The following AKAP6 variants were observed in gnomAD, a reference collection of about 807,000 sequenced individuals.
AKAP6 encodes A-kinase anchor protein 6.
AKAP6 carries 58 observed loss-of-function variants against 188.5 expected under a neutral mutation model. The observed-to-expected ratio is 0.31, with a 90% CI of 0.25 to 0.38. The LOEUF is 0.38. Among genes scored for constraint, AKAP6 ranks in the 10% least tolerant of loss-of-function variants. The probability of loss-of-function intolerance (pLI) is 1.00; values close to 1 mark genes in which losing one functional copy is unlikely to be tolerated. For missense variants in AKAP6, 2,710 were observed against 2,740.0 expected (o/e 0.99, Z 0.24); for synonymous variants, 989 against 998.6 (o/e 0.99, Z 0.18).
intron 12 of AKAP6, among the ~76,000 whole-genome samples, chr14:32,814,200 C>A (rs753543824): frequency 2.6e-5 from 4 of 152,196 alleles, no homozygotes; most frequent in Admixed American, 6.5e-5. Context: ...AGATGATTTT[C>A]TCTTCGTTTA....
At chr14:32,516,616 A>T (rs1347689120) in intron 2 of AKAP6, among the ~76,000 whole-genome samples, 1 of 152,244 alleles carries the variant, frequency 6.6e-6, no homozygotes, top group African/African-American at 2.4e-5. Flanking sequence ...ACGAAAAGTA[A>T]GTATGAGATC....
At chr14:32,510,336 A>G (rs1037821105) in intron 2 of AKAP6, among the ~76,000 whole-genome samples, 5 of 148,110 alleles carry the variant, frequency 3.4e-5, no homozygotes, top group Admixed American at 6.9e-5. Context: ...AATAAATTAT[A>G]TAAGTAAACA....
chr14:32,556,538 T>A (rs1183015929), intron 4 of AKAP6, among the ~76,000 whole-genome samples: 1 of 152,056 alleles, frequency 6.6e-6, no homozygotes, highest in Non-Finnish European at 1.5e-5. Flanking sequence ...AGGCAGGGTT[T>A]TACTCTGTTG....
chr14:32,538,325 C>A (rs1882776300), intron 3 of AKAP6, among the ~76,000 whole-genome samples: 1 of 151,102 alleles, frequency 6.6e-6, no homozygotes, highest in African/African-American at 2.4e-5. Context: ...AGGGAAATGG[C>A]AAAATAAAAA....
intron 2 of AKAP6, among the ~76,000 whole-genome samples, chr14:32,521,138 C>A (rs537288807): frequency 6.6e-6 from 1 of 152,004 alleles, no homozygotes; most frequent in Non-Finnish European, 1.5e-5. Flanking sequence ...ATTCAACAGC[C>A]CTTCATGCTA....
intron 13 of AKAP6, among the ~76,000 whole-genome samples, chr14:32,827,328 T>C (rs1212968132): frequency 2.0e-5 from 3 of 151,462 alleles, no homozygotes; most frequent in Non-Finnish European, 4.4e-5. Context: ...GACAGTAAAA[T>C]TCACCAAATT....
At position 32,824,228 on chromosome 14, in the gene AKAP6, C is replaced by G; in HGVS notation, c.6415C>G (p.Leu2139Val). 6.2e-7 allele frequency: 1 copy of G among 1,613,974 alleles called. No homozygotes were observed. Among genetic ancestry groups the G allele is most frequent in the East Asian group, 2.2e-5 (1 of 44,878 alleles). ...IEEKSSTPLPLDTTDSGLDDK... is the reference protein window; with the variant it reads ...IEEKSSTPLPVDTTDSGLDDK... ...AGAGAAAAGCAGCACTCCATTGCCA[C>G]TAGACACCACTGACTCGGGCTTAGA... The change falls in exon 13 of 14, where the codon CTA (leucine) becomes GTA (valine). Residue 2139 changes from leucine (L) to valine (V), a missense_variant. By Grantham distance (32) the Leu-to-Val change is conservative. This residue lies in a region of AKAP6 where 2,473 missense variants were observed against 2,426.1 expected (regional missense o/e 1.02). Coordinates refer to ENST00000280979, the MANE Select transcript of AKAP6 (RefSeq NM_004274.5).
intron 4 of AKAP6, among the ~76,000 whole-genome samples, chr14:32,547,614 A>G (rs1883258356): frequency 6.6e-6 from 1 of 152,204 alleles, no homozygotes; most frequent in Non-Finnish European, 1.5e-5. Context: ...ATTACTAGAT[A>G]TGACGTAATG....
At chr14:32,644,677 T>C (rs900506347) in intron 7 of AKAP6, among the ~76,000 whole-genome samples, 1 of 152,128 alleles carries the variant, frequency 6.6e-6, no homozygotes, top group African/African-American at 2.4e-5. Flanking sequence ...TTTAATCCCT[T>C]AGCCTCTGTT....
At chr14:32,468,999 A>G (rs1322939111) in intron 2 of AKAP6, among the ~76,000 whole-genome samples, 1 of 152,202 alleles carries the variant, frequency 6.6e-6, no homozygotes, top group Admixed American at 6.5e-5. Context: ...CTCTACAGTA[A>G]TGAATGCTAT....
At chr14:32,348,769 G>A (rs1021257492) in intron 1 of AKAP6, among the ~76,000 whole-genome samples, 1 of 152,092 alleles carries the variant, frequency 6.6e-6, no homozygotes, top group Non-Finnish European at 1.5e-5. Flanking sequence ...TCTGATACAT[G>A]CTAAACCAGG....
chr14:32,687,304 AG>A (rs1165785030), intron 8 of AKAP6, among the ~76,000 whole-genome samples: 4 of 152,064 alleles, frequency 2.6e-5, no homozygotes, highest in Admixed American at 2.0e-4. Flanking sequence ...CCAAATGAGA[AG>A]GGATATAATC....
chr14:32,429,782 A>C (rs1376553641), intron 1 of AKAP6, among the ~76,000 whole-genome samples: 1 of 152,252 alleles, frequency 6.6e-6, no homozygotes, highest in Non-Finnish European at 1.5e-5. Flanking sequence ...GTGGAAACAT[A>C]GCATCTAGTT....
chr14:32,418,737 C>T (rs574620793), intron 1 of AKAP6, among the ~76,000 whole-genome samples: 9 of 152,036 alleles, frequency 5.9e-5, no homozygotes, highest in African/African-American at 1.2e-4. Flanking sequence ...TCTTACTCAG[C>T]GGTTCTCATT....
intron 7 of AKAP6, among the ~76,000 whole-genome samples, chr14:32,625,924 T>C (rs1424224082): frequency 1.3e-5 from 2 of 152,148 alleles, no homozygotes; most frequent in East Asian, 1.9e-4. Context: ...GTTTAACATA[T>C]ACAGAGGCCA....
chr14:32,768,272 A>G (rs2032779811), intron 11 of AKAP6, among the ~76,000 whole-genome samples: 1 of 152,170 alleles, frequency 6.6e-6, no homozygotes, highest in African/African-American at 2.4e-5. Flanking sequence ...TCTGTACCTG[A>G]ATAGCTTGTA....
At chr14:32,377,447 T>G (rs979512917) in intron 1 of AKAP6, among the ~76,000 whole-genome samples, 1 of 152,208 alleles carries the variant, frequency 6.6e-6, no homozygotes. Flanking sequence ...CTCCCACATT[T>G]TTTTTTGTTT....
intron 2 of AKAP6, among the ~76,000 whole-genome samples, chr14:32,463,818 A>G (rs1878226025): frequency 6.6e-6 from 1 of 152,190 alleles, no homozygotes; most frequent in South Asian, 2.1e-4. Flanking sequence ...GGTTTTTTGA[A>G]AACATTAACA....
chr14:32,600,247 T>A (rs888473532), intron 6 of AKAP6, among the ~76,000 whole-genome samples: 2 of 152,196 alleles, frequency 1.3e-5, no homozygotes, highest in African/African-American at 2.4e-5. Context: ...TTTACCTATT[T>A]CCATAGACAA....
Sources: gnomAD v4.1 joint callset for allele counts (sites outside exome capture counted in the v4.1 genomes callset) on GRCh38, gnomAD v4.1.1 for gene constraint, gnomAD v4.1.1 regional missense constraint, MANE v1.5 for transcripts, NCBI Gene and HGNC (gene_info 2026-07-23, HGNC 2026-07-21) for gene names.